MYO5B: variants seen among roughly 807,000 people sequenced by gnomAD.
MYO5B encodes unconventional myosin-Vb.
MYO5B carries 143 observed loss-of-function variants against 229.3 expected under a neutral mutation model. The observed-to-expected ratio is 0.62, with a 90% confidence interval of 0.54 to 0.72. MYO5B has a LOEUF of 0.72. Among genes scored for constraint, MYO5B ranks in the 30% least tolerant of loss-of-function variants. MYO5B has a pLI of 0.00. For missense variants in MYO5B, 2,321 were observed against 2,331.0 expected, an observed-to-expected ratio of 1.00 and a Z score of 0.09; for synonymous variants, 918 against 885.2, an observed-to-expected ratio of 1.04 and a Z score of -0.66.
At chr18:49,948,873 G>A (rs771558515) in intron 14 of MYO5B, among the ~76,000 whole-genome samples, 1 of 152,152 alleles carries the variant, frequency 6.6e-6, no homozygotes, top group Non-Finnish European at 1.5e-5. Flanking sequence ...TCAGTCTGGT[G>A]AATTTGTATT....
At chr18:50,112,749 A>C (rs955081536) in intron 1 of MYO5B, among the ~76,000 whole-genome samples, 17 of 152,218 alleles carry the variant, frequency 1.1e-4, no homozygotes, top group African/African-American at 4.1e-4. Context: ...AATAAATAAC[A>C]ATGACTAATG....
rs149422969 is a variant in MYO5B, at chr18:50,118,104, G to A, written c.28-62726C>T. 2.4e-3 allele frequency among the ~76,000 whole-genome samples: 365 copies of A among 152,236 alleles called. 2 individuals are homozygous for A. Among genetic ancestry groups the A allele is most frequent in the African/African-American group, 8.4e-3 (347 of 41,524 alleles). On this transcript the variant is annotated intron_variant, in intron 1 of 39. Transcript: ENST00000285039. ...CTTCACTCAATGCAATCAAGCAAAT[G>A]TTTGCCAAATGATTGCAACTCAGTA...
intron 1 of MYO5B, among the ~76,000 whole-genome samples, chr18:50,174,315 C>T (rs1032685942): frequency 3.3e-5 from 5 of 152,118 alleles, no homozygotes; most frequent in Non-Finnish European, 7.3e-5. Flanking sequence ...ATACACACAG[C>T]GAGTATCACA....
At chr18:49,958,786 C>T (rs902872578) in intron 12 of MYO5B, among the ~76,000 whole-genome samples, 6 of 152,216 alleles carry the variant, frequency 3.9e-5, no homozygotes, top group Non-Finnish European at 7.3e-5. Context: ...AAGGGACTCA[C>T]GGAGGCCCTC....
At chr18:50,037,074 T>C (rs2026456671) in intron 3 of MYO5B, 80 bp from the exon 4 acceptor site, 7 of 1,536,050 alleles carry the variant, frequency 4.6e-6, no homozygotes, top group Non-Finnish European at 5.4e-6. Flanking sequence ...CATCCATTCA[T>C]ACACATGCCA....
At position 49,843,527 on chromosome 18, in the gene MYO5B, T is replaced by C. The variant is rs9675359; in HGVS notation, c.4460-135A>G. ...CTAGGAATAGATGTCTCAAAGAGGA[T>C]TGGGAGAGAAGCCACCCAGGGTACC... is the stretch of plus-strand genomic sequence containing the variant. On this transcript the variant is annotated intron_variant, in intron 33 of 39. Transcript: ENST00000285039. 2.0e-3 allele frequency: 2,343 copies of C among 1,183,476 alleles called. 35 individuals carry two copies. The African/African-American group carries it at 0.03, about 15-fold the overall frequency. 73.3% of individuals were successfully genotyped at this position (1,183,476 alleles called of 1,614,324 possible).
chr18:49,895,152 GA>G lies in MYO5B; in HGVS notation c.2833del (p.Ser945GlnfsTer6), dbSNP rs780982522. Reference protein sequence around the residue: ...DEQNKEFKTLSEQLSVTTSTY... With the variant: ...DEQNKEFKTLXEQLSVTTSTY... The stretch of plus-strand genomic sequence containing the variant: ...TGAGGTGGTCACGGACAACTGCTCT[GA>G]AAGTGTCTTGAACTCTTTGTTCTGT... On this transcript the variant is annotated frameshift_variant, in exon 22 of 40. Coordinates refer to ENST00000285039, the MANE Select transcript of MYO5B (RefSeq NM_001080467.3). LOFTEE classifies it high-confidence loss of function. 1 of 1,613,970 alleles carries G rather than the reference GA, an allele frequency of 6.2e-7. No individual in the cohort carries two copies. The highest frequency in any genetic ancestry group is 1.3e-5 in the African/African-American group (1 of 75,000).
intron 4 of MYO5B, among the ~76,000 whole-genome samples, chr18:50,031,421 G>A (rs1033979046): frequency 2.0e-5 from 3 of 152,122 alleles, no homozygotes; most frequent in African/African-American, 7.2e-5. Flanking sequence ...CTGTATTGTG[G>A]GGATAACTAA....
In MYO5B at chr18:49,937,382, C is replaced by G. The variant is rs780735273; in HGVS notation, c.1768G>C (p.Asp590His). 2.4e-5 allele frequency: 39 copies of G among 1,614,108 alleles called. No individual in the cohort carries two copies. Among genetic ancestry groups the G allele is most frequent in the Non-Finnish European group, 3.0e-5 (35 of 1,179,980 alleles). ...GGGTCCTTGTCATCATGAAACAAGT[C>G]AGCCACTAGTGGGAACTAGAAACAA... ...LKASKFPLVA[D>H]LFHDDKDPVP... Residue 590 changes from aspartate to histidine, a missense_variant, in exon 15 of 40, where the codon GAC (aspartate) becomes CAC (histidine). Asp to His is a moderately conservative substitution (Grantham distance 81, BLOSUM62 -1). Transcript: ENST00000285039.
chr18:50,029,932 A>C (rs759288286), intron 4 of MYO5B, among the ~76,000 whole-genome samples: 18 of 152,180 alleles, frequency 1.2e-4, no homozygotes, highest in Non-Finnish European at 2.5e-4. Flanking sequence ...CCTGAGGCTC[A>C]ATTAGGAAGC....
At chr18:50,082,242 G>A (rs560519338) in intron 1 of MYO5B, among the ~76,000 whole-genome samples, 4 of 152,260 alleles carry the variant, frequency 2.6e-5, no homozygotes, top group African/African-American at 9.6e-5. Context: ...ACTAAACCAT[G>A]GACCAAATCC....
chr18:50,086,766 G>A (rs2031339392), intron 1 of MYO5B, among the ~76,000 whole-genome samples: 1 of 152,148 alleles, frequency 6.6e-6, no homozygotes, highest in Admixed American at 6.5e-5. Flanking sequence ...TTAAGAAATA[G>A]GCTTAGAAGT....
chr18:49,914,762 A>T (rs1423132605), intron 17 of MYO5B, among the ~76,000 whole-genome samples: 1 of 146,540 alleles, frequency 6.8e-6, no homozygotes, highest in Non-Finnish European at 1.5e-5. Flanking sequence ...CCTGAGTAAC[A>T]GAGACCTTGT....
At chr18:49,988,289 G>A (rs1054039999) in intron 7 of MYO5B, among the ~76,000 whole-genome samples, 2 of 152,104 alleles carry the variant, frequency 1.3e-5, no homozygotes, top group African/African-American at 4.8e-5. Context: ...CAAGCTTCAG[G>A]GCCCTCAGCC....
At chr18:49,940,740 G>A (rs991431553) in intron 14 of MYO5B, among the ~76,000 whole-genome samples, 15 of 152,160 alleles carry the variant, frequency 9.9e-5, no homozygotes. Context: ...CGGATCCAAG[G>A]GTTTGTTTTC....
At chr18:50,087,488 G>A (rs1214339336) in intron 1 of MYO5B, among the ~76,000 whole-genome samples, 2 of 150,446 alleles carry the variant, frequency 1.3e-5, no homozygotes, top group Non-Finnish European at 2.9e-5. Flanking sequence ...CAGGAGAATC[G>A]CTTGAACCTG....
At chr18:49,936,860 C>A (rs1407132149) in intron 15 of MYO5B, among the ~76,000 whole-genome samples, 1 of 152,146 alleles carries the variant, frequency 6.6e-6, no homozygotes, top group Non-Finnish European at 1.5e-5. Context: ...ATGGGCAGAA[C>A]AGCCACAGAG....
intron 14 of MYO5B, among the ~76,000 whole-genome samples, chr18:49,943,851 C>T (rs1451135066): frequency 6.6e-6 from 1 of 152,054 alleles, no homozygotes; most frequent in Non-Finnish European, 1.5e-5. Context: ...GCGACTAAAT[C>T]GGGGGTCTGG....
chr18:49,889,185 A>G (rs971089963), intron 22 of MYO5B, among the ~76,000 whole-genome samples: 1 of 152,256 alleles, frequency 6.6e-6, no homozygotes, highest in Admixed American at 6.5e-5. Flanking sequence ...TATCTAGAAT[A>G]CATGAGCTTG....
Sources: gnomAD v4.1 joint callset for allele counts (sites outside exome capture counted in the v4.1 genomes callset) on GRCh38, gnomAD v4.1.1 for gene constraint, MANE v1.5 for transcripts, NCBI Gene and HGNC (gene_info 2026-07-23, HGNC 2026-07-21) for gene names.